LUZP2: variants seen among roughly 807,000 people sequenced by gnomAD.
LUZP2 encodes the protein leucine zipper protein 2.
In LUZP2, 52 loss-of-function variants were observed where a neutral mutation model predicts 51.6. The observed-to-expected ratio is 1.01, with a 90% confidence interval of 0.81 to 1.27. The LOEUF (loss-of-function observed/expected upper bound fraction) is 1.27. Among genes scored for constraint, LUZP2 ranks in the 50% most tolerant of loss-of-function variants. The pLI, the probability that LUZP2 is intolerant of heterozygous loss-of-function variation, is 0.00. For synonymous variants in LUZP2, 154 were observed against 137.3 expected (o/e 1.12, Z -0.85); for missense variants, 436 against 395.4 (o/e 1.10, Z -0.87).
chr11:24,952,507 G>A (rs1180274855), intron 7 of LUZP2, among the ~76,000 whole-genome samples: 10 of 151,616 alleles, frequency 6.6e-5, no homozygotes, highest in African/African-American at 2.4e-4. Context: ...TTTCCAGGTG[G>A]GAAGTGAGGC....
At chr11:24,918,549 ATGGG>A (rs1853879321) in intron 7 of LUZP2, among the ~76,000 whole-genome samples, 1 of 151,894 alleles carries the variant, frequency 6.6e-6, no homozygotes, top group African/African-American at 2.4e-5. Context: ...TTAGGTATTG[ATGGG>A]ACGTATCTCA....
At chr11:24,584,666 G>A (rs1852996927) in intron 1 of LUZP2, among the ~76,000 whole-genome samples, 1 of 152,142 alleles carries the variant, frequency 6.6e-6, no homozygotes, top group Non-Finnish European at 1.5e-5. Flanking sequence ...GTGTGTGTAT[G>A]TGAGCTCCTT....
chr11:24,800,176 C>T (rs1849657878), intron 5 of LUZP2, among the ~76,000 whole-genome samples: 1 of 152,000 alleles, frequency 6.6e-6, no homozygotes, highest in Non-Finnish European at 1.5e-5. Context: ...TTTCCTTATC[C>T]TACACACGCT....
chr11:25,029,202 CTT>C (rs1195041733), intron 9 of LUZP2, among the ~76,000 whole-genome samples: 2 of 152,016 alleles, frequency 1.3e-5, no homozygotes, highest in Non-Finnish European at 2.9e-5. Flanking sequence ...TCAATAATAA[CTT>C]AACATATTTA....
intron 9 of LUZP2, among the ~76,000 whole-genome samples, chr11:25,028,001 A>G (rs548603949): frequency 5.9e-5 from 9 of 152,186 alleles, no homozygotes; most frequent in African/African-American, 1.9e-4. Flanking sequence ...CTTTCCGTCT[A>G]TTGGAACTTG....
intron 7 of LUZP2, among the ~76,000 whole-genome samples, chr11:24,958,074 C>A (rs955549547): frequency 1.3e-5 from 2 of 152,094 alleles, no homozygotes; most frequent in African/African-American, 4.8e-5. Context: ...CTACAAAGGA[C>A]ATGAACTCAT....
At chr11:24,905,956 T>A in intron 5 of LUZP2, 35 bp from the exon 6 acceptor site, 1 of 1,464,990 alleles carries the variant, frequency 6.8e-7, no homozygotes, top group South Asian at 1.1e-5. Flanking sequence ...ATATTTTGTC[T>A]CTTCTTTGCA....
At chr11:24,630,646 T>C (rs553329562) in intron 1 of LUZP2, among the ~76,000 whole-genome samples, 4 of 151,584 alleles carry the variant, frequency 2.6e-5, no homozygotes, top group African/African-American at 9.7e-5. Context: ...TTGTTCTCTT[T>C]CCTTGTAATG....
chr11:24,765,883 C>A (rs943445333), intron 5 of LUZP2, among the ~76,000 whole-genome samples: 1 of 152,006 alleles, frequency 6.6e-6, no homozygotes, highest in Non-Finnish European at 1.5e-5. Flanking sequence ...GCCTAGGCCT[C>A]CCAAAGTGCT....
rs138363362 is a variant in LUZP2 at position 24,880,072 on chromosome 11, A to G, written c.397-25919A>G. On this transcript the variant is annotated intron_variant, in intron 5 of 11. Transcript: ENST00000336930. ...GTGCCCTAGACTTCCTTTCCAATTT[A>G]TTTAGAGCCCCAAAGCACTTTAGGC... is the stretch of plus-strand genomic sequence containing the variant. Among the ~76,000 whole-genome samples, 649 of 152,226 alleles carry G rather than the reference A, an allele frequency of 4.3e-3. 7 individuals are homozygous for G. The highest frequency in any genetic ancestry group is 0.015 in the African/African-American group (617 of 41,544).
intron 1 of LUZP2, among the ~76,000 whole-genome samples, chr11:24,575,759 A>G (rs1032372095): frequency 2.6e-5 from 4 of 152,150 alleles, no homozygotes; most frequent in African/African-American, 9.7e-5. Context: ...TCTTTTAACC[A>G]TATTCCATGC....
At chr11:24,524,205 A>AT (rs556263691) in intron 1 of LUZP2, among the ~76,000 whole-genome samples, 1 of 151,808 alleles carries the variant, frequency 6.6e-6, no homozygotes, top group African/African-American at 2.4e-5. Context: ...GTATTAAAAT[A>AT]TTTTTTTAAT....
chr11:24,523,795 C>T (rs962060824), intron 1 of LUZP2, among the ~76,000 whole-genome samples: 1 of 151,488 alleles, frequency 6.6e-6, no homozygotes, highest in Non-Finnish European at 1.5e-5. Flanking sequence ...TAATTTTGAT[C>T]CCAACAAAAT....
intron 1 of LUZP2, among the ~76,000 whole-genome samples, chr11:24,680,723 G>A (rs1269299302): frequency 1.3e-5 from 2 of 152,176 alleles, no homozygotes; most frequent in East Asian, 1.9e-4. Context: ...CACCTGATCC[G>A]AAATACTACT....
intron 4 of LUZP2, among the ~76,000 whole-genome samples, chr11:24,745,700 T>G (rs7925581): frequency 0.1 from 15,163 of 152,016 alleles, 2,052 homozygotes; most frequent in African/African-American, 0.31. Context: ...TGTTTTGAGA[T>G]GGAGTCTTGC....
At chr11:24,822,082 A>G (rs1326491056) in intron 5 of LUZP2, among the ~76,000 whole-genome samples, 1 of 151,430 alleles carries the variant, frequency 6.6e-6, no homozygotes, top group Non-Finnish European at 1.5e-5. Context: ...TGAAATTGTC[A>G]TGAGAATTAA....
chr11:24,543,835 A>AG (rs528331468), intron 1 of LUZP2, among the ~76,000 whole-genome samples: 1 of 150,898 alleles, frequency 6.6e-6, no homozygotes, highest in Non-Finnish European at 1.5e-5. Flanking sequence ...AAAAAAAAAA[A>AG]AAAAAAAAAA....
intron 5 of LUZP2, among the ~76,000 whole-genome samples, chr11:24,874,346 T>C (rs1852180603): frequency 6.6e-6 from 1 of 152,096 alleles, no homozygotes; most frequent in South Asian, 2.1e-4. Context: ...CTCAGGGGGC[T>C]GTAGGCAGGT....
intron 7 of LUZP2, among the ~76,000 whole-genome samples, chr11:24,919,959 T>C (rs947737622): frequency 6.6e-6 from 1 of 151,752 alleles, no homozygotes; most frequent in Non-Finnish European, 1.5e-5. Flanking sequence ...ATTTTATGAA[T>C]GAATAAGTCC....
Sources: gnomAD v4.1 joint callset for allele counts (sites outside exome capture counted in the v4.1 genomes callset) on GRCh38, gnomAD v4.1.1 for gene constraint, MANE v1.5 for transcripts, NCBI Gene and HGNC (gene_info 2026-07-23, HGNC 2026-07-21) for gene names.